Variants in MAPK12 observed in about 807,000 individuals in gnomAD.
MAPK12 encodes the protein MAP kinase 12.
MAPK12 carries 49 observed loss-of-function variants against 49.1 expected under a neutral mutation model. The ratio of observed to expected loss-of-function variants is 1.00; its 90% CI spans 0.79 to 1.27. The LOEUF is 1.27. Among genes scored for constraint, MAPK12 ranks in the 50% most tolerant of loss-of-function variants. MAPK12 has a pLI of 0.00. For missense variants in MAPK12, 554 were observed against 502.4 expected, an observed-to-expected ratio of 1.10 and a Z score of -0.98; for synonymous variants, 251 against 209.7, an observed-to-expected ratio of 1.20 and a Z score of -1.70.
Position 50,253,487 on chromosome 22 carries a change from G to T in MAPK12, c.1025-7C>A. The T allele has an allele frequency of 1.0e-6, 1 of 989,372 alleles. No homozygotes were observed. The allele number at this position is 989,372 out of a possible 1,614,324, so 61.3% of individuals were successfully genotyped here. ...ACCTCTTTGTAAGTAACACCTGGCG[G>T]GGGTGGGGGGGCGGGCACAACAGAG... On this transcript the variant is annotated splice_polypyrimidine_tract_variant and splice_region_variant and intron_variant, in intron 11 of 11. Coordinates refer to ENST00000215659, the MANE Select transcript of MAPK12 (RefSeq NM_002969.6).
intron 2 of MAPK12, 103 bp downstream of exon 2, chr22:50,261,064 A>C: frequency 2.3e-6 from 3 of 1,291,806 alleles, no homozygotes; most frequent in Non-Finnish European, 3.0e-6. Flanking sequence ...GCCCGGCCCC[A>C]CAGCAGGCTG....
rs766106806 is a variant in MAPK12 at position 50,255,227 on chromosome 22, C to T, written c.994G>A (p.Asp332Asn). 5 of 1,613,854 alleles carry T rather than the reference C, an allele frequency of 3.1e-6. No homozygotes were observed. Among genetic ancestry groups the T allele is most frequent in the African/African-American group, 2.7e-5 (2 of 74,944 alleles). ...QVQKYDDSFD[D>N]VDRTLDEWKR... ...CATTCATCCAGTGTGCGGTCAACGTCGTCAAAGGAGTCATCATACTTCTGG... is the reference window on the plus strand; with the variant it reads ...CATTCATCCAGTGTGCGGTCAACGTTGTCAAAGGAGTCATCATACTTCTGG... The change falls in exon 11 of 12, where the codon GAC (aspartate) becomes AAC (asparagine). Residue 332 changes from aspartate (D) to asparagine (N), a missense_variant. Coordinates refer to ENST00000215659, the MANE Select transcript of MAPK12 (RefSeq NM_002969.6).
At position 50,255,452 on chromosome 22, in the gene MAPK12, C is replaced by T. The variant is rs1026533965; in HGVS notation, c.850+1G>A. On this transcript the variant is annotated splice_donor_variant, in intron 10 of 11. Transcript: ENST00000215659. LOFTEE classifies it high-confidence loss of function. ...GTGGCCCCCACACTAGCCAGCCGTACCCAGAGGGCTTGCATTGGTCAGGAT... is the reference window on the plus strand; with the variant it reads ...GTGGCCCCCACACTAGCCAGCCGTATCCAGAGGGCTTGCATTGGTCAGGAT... 6 of 1,613,140 alleles carry T rather than the reference C, an allele frequency of 3.7e-6. No individual in the cohort carries two copies. The highest frequency in any genetic ancestry group is 3.3e-4 in the Middle Eastern group (2 of 6,062).
chr22:50,258,297 A>G lies in MAPK12; in HGVS notation c.260T>C (p.Ile87Thr). Residue 87 changes from isoleucine to threonine, a missense_variant, in exon 3 of 12, where the codon ATC becomes ACC. Ile to Thr is a moderately conservative substitution (Grantham distance 89, BLOSUM62 -1). Coordinates refer to ENST00000215659, the MANE Select transcript of MAPK12 (RefSeq NM_002969.6). ...LLKHMRHENV[I>T]GLLDVFTPDE... is the part of the protein sequence containing the mutation. ...AGGAGTGAATACGTCCAGCAGCCCGATCACCTGGGGGGGCCACATAGGGTT... is the reference window on the plus strand; with the variant it reads ...AGGAGTGAATACGTCCAGCAGCCCGGTCACCTGGGGGGGCCACATAGGGTT... 6.2e-7 allele frequency: 1 copy of G among 1,612,980 alleles called. No individual in the cohort carries two copies. Among genetic ancestry groups the G allele is most frequent in the Non-Finnish European group, 8.5e-7 (1 of 1,179,948 alleles).
rs191191851 is a variant in MAPK12, at chr22:50,257,165, C to T, written c.343G>A (p.Asp115Asn). ...FYLVMPFMGT[D>N]LGKLMKHEKL... ...TCATGTTTCATGAGCTTGCCCAGGT[C>T]GGTGCCCATGAACGGCATCACCAGG... The change falls in exon 4 of 12, where the codon GAC becomes AAC. Residue 115 changes from aspartate (D) to asparagine (N), a missense_variant. Asp to Asn is a conservative substitution (Grantham distance 23). Coordinates refer to ENST00000215659, the MANE Select transcript of MAPK12 (RefSeq NM_002969.6). 3.1e-5 allele frequency: 50 copies of T among 1,612,766 alleles called. No homozygotes were observed. The highest frequency in any genetic ancestry group is 2.9e-4 in the East Asian group (13 of 44,874).
intron 2 of MAPK12, among the ~76,000 whole-genome samples, chr22:50,260,239 CTGGTGGACGGGGCACTTTG>C (rs1167908060): frequency 1.0e-3 from 18 of 17,398 alleles, no homozygotes; most frequent in Non-Finnish European, 1.8e-3. Flanking sequence ...GGGCACTTTG[CTGGTGGACGGGGCACTTTG>C]CTGGTGGACG....
rs369946888 is a variant in MAPK12 at position 50,255,700 on chromosome 22, C to A, written c.692-6G>T. The A allele has an allele frequency of 5.0e-6, 8 of 1,609,794 alleles. No homozygotes were observed. Among genetic ancestry groups the A allele is most frequent in the African/African-American group, 1.3e-5 (1 of 74,910 alleles). On this transcript the variant is annotated splice_region_variant and splice_polypyrimidine_tract_variant and intron_variant, in intron 8 of 11. Transcript: ENST00000215659. Reference sequence around the variant, plus strand: ...CTCCTTCAGCTGGTCCAGGTCTGCACCGAGGTCAGGAACACAGCTCGGGGG... The same window carrying A: ...CTCCTTCAGCTGGTCCAGGTCTGCAACGAGGTCAGGAACACAGCTCGGGGG...
chr22:50,255,597 T>G lies in MAPK12; in HGVS notation c.771+18A>C. 6.3e-6 allele frequency: 5 copies of G among 788,822 alleles called. No homozygotes were observed. Among genetic ancestry groups the G allele is most frequent in the Non-Finnish European group, 8.6e-6 (5 of 582,388 alleles). The allele number at this position is 788,822 out of a possible 1,614,324, so 48.9% of individuals were successfully genotyped here. A position where few individuals can be genotyped will look rare whatever the true frequency, so the allele number is the denominator to read the frequency against. On this transcript the variant is annotated intron_variant, in intron 9 of 11. Coordinates refer to ENST00000215659, the MANE Select transcript of MAPK12 (RefSeq NM_002969.6). ...AGGTCCGCCCCCACCCCCACCCAGC[T>G]CCCCACTCACCCCTTACCTCATCGC...
chr22:50,258,151 G>A (rs968480639), intron 3 of MAPK12, 92 bp downstream of exon 3: 17 of 1,215,496 alleles, frequency 1.4e-5, no homozygotes, highest in South Asian at 8.5e-5. Context: ...GCTGCAGGAA[G>A]AGAACCCCAT....
intron 11 of MAPK12, chr22:50,254,652 A>T (rs770226498): frequency 8.9e-6 from 9 of 1,011,776 alleles, no homozygotes; most frequent in Non-Finnish European, 1.1e-5. Context: ...ACTCCGTCTC[A>T]AAAAACAAAA....
At chr22:50,253,502 G>GGGGCGCCCCCCCCCCC in intron 11 of MAPK12, 22 bp from the exon 12 acceptor site, 1 of 171,686 alleles carries the variant, frequency 5.8e-6, no homozygotes, top group Non-Finnish European at 1.1e-5. Flanking sequence ...GGGGGGGCGG[G>GGGGCGCCCCCCCCCCC]CACAACAGAG....
chr22:50,256,070 T>C lies in MAPK12; in HGVS notation c.619+15A>G, dbSNP rs1415767154. 1 of 1,606,860 alleles carries C rather than the reference T, an allele frequency of 6.2e-7. No individual in the cohort carries two copies. The highest frequency in any genetic ancestry group is 1.1e-5 in the South Asian group (1 of 90,550). On this transcript the variant is annotated intron_variant, in intron 7 of 11. Transcript: ENST00000215659. ...GTGCAGCCTGAGAGGCCCAGATCTC[T>C]GGGCAGCTTCTCACCCGTCTGCGTG...
At position 50,261,528 on chromosome 22, in the gene MAPK12, C is replaced by G. The variant is rs1304191589; in HGVS notation, c.-19G>C. ...AGCTCATGGCAGGCCCGGGAGCTGC[C>G]CACCCCGCAGAGCCTGCGGGCGGTG... On this transcript the variant is annotated 5_prime_UTR_variant, in exon 1 of 12. Coordinates refer to ENST00000215659, the MANE Select transcript of MAPK12 (RefSeq NM_002969.6). 3 of 1,129,532 alleles carry G rather than the reference C, an allele frequency of 2.7e-6. No individual in the cohort carries two copies. The highest frequency in any genetic ancestry group is 3.3e-6 in the Non-Finnish European group (3 of 910,006). The allele number at this position is 1,129,532 out of a possible 1,614,324, so 70.0% of individuals were successfully genotyped here.
At chr22:50,253,718 A>G (rs2065121637) in intron 11 of MAPK12, 2 of 572,154 alleles carry the variant, frequency 3.5e-6, no homozygotes, top group South Asian at 4.1e-5. Context: ...CTGTCCTAAG[A>G]GCTGAGGCCT....
In MAPK12 at chr22:50,253,500, G is replaced by GT; in HGVS notation, c.1025-21_1025-20insA. On this transcript the variant is annotated intron_variant, in intron 11 of 11. Transcript: ENST00000215659. ...TAACACCTGGCGGGGGTGGGGGGGC[G>GT]GGCACAACAGAGAGGGGGGTCAGCC... 2.3e-6 allele frequency: 1 copy of GT among 432,222 alleles called. No homozygotes were observed. Among genetic ancestry groups the GT allele is most frequent in the Non-Finnish European group, 4.6e-6 (1 of 215,862 alleles). 26.8% of individuals were successfully genotyped at this position (432,222 alleles called of 1,614,324 possible).
Position 50,255,307 on chromosome 22 carries a change from G to C in MAPK12, c.914C>G (p.Ala305Gly). The C allele has an allele frequency of 6.2e-7, 1 of 1,613,404 alleles. No homozygotes were observed. The highest frequency in any genetic ancestry group is 8.5e-7 in the Non-Finnish European group (1 of 1,180,008). Residue 305 changes from alanine to glycine, a missense_variant, in exon 11 of 12, where the codon GCG (alanine) becomes GGG (glycine). Coordinates refer to ENST00000215659, the MANE Select transcript of MAPK12 (RefSeq NM_002969.6). ...DAEQRVTAGE[A>G]LAHPYFESLH... ...GGACTCGAAGTAGGGATGGGCCAGC[G>C]CCTCGCCTGCCGTCACCCGCTGCTC... is the stretch of plus-strand genomic sequence containing the variant.
intron 2 of MAPK12, among the ~76,000 whole-genome samples, chr22:50,259,654 GAGC>G (rs1210539407): frequency 6.6e-6 from 1 of 152,098 alleles, no homozygotes; most frequent in Non-Finnish European, 1.5e-5. Context: ...AAGCCGAGGC[GAGC>G]AGATCACTTG....
rs1315454678 is a variant in MAPK12 at position 50,253,251 on chromosome 22, C to T, written c.*150G>A. The T allele has an allele frequency of 1.3e-5, 9 of 705,170 alleles. No homozygotes were observed. The highest frequency in any genetic ancestry group is 6.1e-5 in the South Asian group (4 of 65,610). The allele number at this position is 705,170 out of a possible 1,614,324, so 43.7% of individuals were successfully genotyped here. The stretch of plus-strand genomic sequence containing the variant: ...GGGCGCCCAAGAGCAGAGGCATGGC[C>T]GTGGGGAGGAGGGTCCATGGAACCC... On this transcript the variant is annotated 3_prime_UTR_variant, in exon 12 of 12. Coordinates refer to ENST00000215659, the MANE Select transcript of MAPK12 (RefSeq NM_002969.6).
At chr22:50,254,891 C>T in intron 11 of MAPK12, 1 of 1,266,200 alleles carries the variant, frequency 7.9e-7, no homozygotes, top group Middle Eastern at 3.3e-4. Context: ...CTGAGCCTGC[C>T]AGGAACACCC....
Sources: gnomAD v4.1 joint callset for allele counts (sites outside exome capture counted in the v4.1 genomes callset) on GRCh38, gnomAD v4.1.1 for gene constraint, MANE v1.5 for transcripts, NCBI Gene and HGNC (gene_info 2026-07-23, HGNC 2026-07-21) for gene names.